The following CHM variants were observed in gnomAD, a reference collection of about 807,000 sequenced individuals.
CHM encodes CHM Rab escort protein.
Under a neutral mutation model 49.0 loss-of-function variants are expected in CHM, and 10 were observed. The observed-to-expected ratio is 0.20, with a 90% confidence interval of 0.13 to 0.35. The LOEUF (loss-of-function observed/expected upper bound fraction) is 0.35. CHM is among the 10% of genes least tolerant of loss of function. The pLI, the probability that CHM is intolerant of heterozygous loss-of-function variation, is 1.00. For synonymous variants in CHM, 184 were observed against 167.5 expected, an observed-to-expected ratio of 1.10 and a Z score of -0.76; for missense variants, 455 against 478.4, an observed-to-expected ratio of 0.95 and a Z score of 0.46.
chrX:86,037,373 T>C (rs1934293319), intron 1 of CHM, among the ~76,000 whole-genome samples: 1 of 110,845 alleles, frequency 9.0e-6, no homozygotes, highest in Non-Finnish European at 1.9e-5. Flanking sequence ...TGCCTAGGCC[T>C]CCCAAAGTCC....
At chrX:85,899,562 T>G (rs1165981932) in intron 11 of CHM, among the ~76,000 whole-genome samples, 2 of 110,506 alleles carry the variant, frequency 1.8e-5, no homozygotes, top group Admixed American at 1.9e-4. Context: ...TGGAAATCCT[T>G]AAGAAACCAA....
At chrX:85,916,488 A>C (rs918050036) in intron 8 of CHM, among the ~76,000 whole-genome samples, 10 of 112,236 alleles carry the variant, frequency 8.9e-5, no homozygotes, top group Non-Finnish European at 1.9e-4. Context: ...TCTGCACAGC[A>C]AAAGAAACTA....
chrX:85,920,210 T>C (rs200562642), intron 8 of CHM, among the ~76,000 whole-genome samples: 43 of 109,901 alleles, frequency 3.9e-4, no homozygotes, highest in South Asian at 2.0e-3. Context: ...ATTCTCCTGC[T>C]TCAGCCTCCC....
At chrX:85,865,487 A>C (rs1423094099) in intron 14 of CHM, among the ~76,000 whole-genome samples, 1 of 111,660 alleles carries the variant, frequency 9.0e-6, no homozygotes, top group African/African-American at 3.3e-5. Flanking sequence ...TCTTTATGGC[A>C]GTGTAAGAGG....
rs377618113 is a variant in CHM, at chrX:85,883,205, C to G, written c.1511-4142G>C. On this transcript the variant is annotated intron_variant, in intron 12 of 14. Transcript: ENST00000357749. Reference sequence around the variant, plus strand: ...CTCTATACAAGCAGGCAAAATTGTTCCAAATGCATTTAAAGAATCTTTATT... The same window carrying G: ...CTCTATACAAGCAGGCAAAATTGTTGCAAATGCATTTAAAGAATCTTTATT... Among the ~76,000 whole-genome samples the G allele has an allele frequency of 1.7e-4, 19 of 111,505 alleles. No homozygotes were observed. In the South Asian group the frequency reaches 7.1e-3, roughly 42 times the overall value.
chrX:85,928,852 A>ATAT (rs1250648266), intron 8 of CHM, among the ~76,000 whole-genome samples: 1 of 111,531 alleles, frequency 9.0e-6, no homozygotes, highest in African/African-American at 3.3e-5. Flanking sequence ...GGACATTGAT[A>ATAT]TATTATTATT....
At chrX:85,906,928 G>A (rs1403396052) in intron 9 of CHM, among the ~76,000 whole-genome samples, 1 of 111,486 alleles carries the variant, frequency 9.0e-6, no homozygotes, top group East Asian at 2.8e-4. Flanking sequence ...GAGGTCAGGA[G>A]TTCGAGACTG....
intron 2 of CHM, among the ~76,000 whole-genome samples, chrX:86,005,891 G>A (rs943394588): frequency 6.3e-5 from 7 of 111,743 alleles, no homozygotes; most frequent in Non-Finnish European, 9.4e-5. Flanking sequence ...GAAAAAGATG[G>A]AATCCTCCCT....
Position 85,967,362 on chromosome X carries a change from A to G in CHM, c.315-3310T>C, listed in dbSNP as rs377237748. 6.2e-5 allele frequency among the ~76,000 whole-genome samples: 7 copies of G among 112,569 alleles called. No homozygotes were observed. In the South Asian group the frequency reaches 2.6e-3, roughly 41 times the overall value. On this transcript the variant is annotated intron_variant, in intron 4 of 14. Transcript: ENST00000357749. ...ACTAATTTAAAAGTGTTTGAAAACT[A>G]TAAAAACACATTTACCAATTACAAA...
At chrX:85,973,521 G>A (rs997308059) in intron 4 of CHM, among the ~76,000 whole-genome samples, 19 of 110,179 alleles carry the variant, frequency 1.7e-4, no homozygotes, top group African/African-American at 6.3e-4. Context: ...CACATATATA[G>A]TGCACCAATG....
At chrX:85,907,190 T>C (rs1254919105) in intron 9 of CHM, among the ~76,000 whole-genome samples, 4 of 112,119 alleles carry the variant, frequency 3.6e-5, no homozygotes, top group African/African-American at 1.3e-4. Flanking sequence ...AAAATATATA[T>C]TCCTGACATC....
In CHM at chrX:86,036,631, G is replaced by A. The variant is rs1159668012; in HGVS notation, c.50-9074C>T. ...GATTTTTCCCACAAGAGACTTTGCA[G>A]GGCAATTTCAAGGTATGGCAAGGAA... On this transcript the variant is annotated intron_variant, in intron 1 of 14. Coordinates refer to ENST00000357749, the MANE Select transcript of CHM (RefSeq NM_000390.4). Among the ~76,000 whole-genome samples the A allele has an allele frequency of 2.7e-5, 3 of 112,034 alleles. No homozygotes were observed. In the East Asian group the frequency reaches 8.4e-4, roughly 32 times the overall value.
intron 2 of CHM, among the ~76,000 whole-genome samples, chrX:85,982,640 C>T (rs1931692161): frequency 9.0e-6 from 1 of 111,131 alleles, no homozygotes; most frequent in Non-Finnish European, 1.9e-5. Flanking sequence ...CCTTGTAAAA[C>T]GATTTGCACT....
intron 2 of CHM, among the ~76,000 whole-genome samples, chrX:86,026,102 CTTTTTTTTTTTTTTTTTTTTTT>C (rs1167691945): frequency 7.4e-3 from 198 of 26,760 alleles, no homozygotes; most frequent in Non-Finnish European, 0.013. Context: ...AGCAGATTTT[CTTTTTTTTTTTTTTTTTTTTTT>C]TTTTTTTTTT....
chrX:85,928,005 G>A (rs1476205026), intron 8 of CHM, among the ~76,000 whole-genome samples: 1 of 112,022 alleles, frequency 8.9e-6, no homozygotes, highest in African/African-American at 3.2e-5. Flanking sequence ...TACTGCTTCA[G>A]CTAATAAAGT....
intron 6 of CHM, 26 bp from the exon 7 acceptor site, chrX:85,958,001 A>G: frequency 8.3e-7 from 1 of 1,204,088 alleles, no homozygotes; most frequent in South Asian, 1.8e-5. Context: ...ATTTTAAGTT[A>G]AGAAACTGCT....
chrX:85,935,386 A>G (rs1266590006), intron 8 of CHM, among the ~76,000 whole-genome samples: 1 of 111,605 alleles, frequency 9.0e-6, no homozygotes, highest in African/African-American at 3.3e-5. Flanking sequence ...AAATATCTAA[A>G]CCATGTCAAC....
chrX:85,893,860 G>A (rs1479969370), intron 12 of CHM, among the ~76,000 whole-genome samples: 1 of 110,519 alleles, frequency 9.0e-6, no homozygotes, highest in African/African-American at 3.3e-5. Flanking sequence ...AATGGACTAA[G>A]AAAGTAAAGA....
At chrX:85,950,570 C>T (rs1279553110) in intron 8 of CHM, among the ~76,000 whole-genome samples, 1 of 109,814 alleles carries the variant, frequency 9.1e-6, no homozygotes, top group Admixed American at 9.7e-5. Context: ...AGAGAGAATG[C>T]TAAGTTCTAA....
Sources: gnomAD v4.1 joint callset for allele counts (sites outside exome capture counted in the v4.1 genomes callset) on GRCh38, gnomAD v4.1.1 for gene constraint, MANE v1.5 for transcripts, NCBI Gene and HGNC (gene_info 2026-07-23, HGNC 2026-07-21) for gene names.